Variants in GPR39 observed in about 807,000 individuals in gnomAD.
The protein encoded by GPR39 is G protein-coupled receptor 39, also known as zinc sensing receptor.
A neutral mutation model predicts 18.4 loss-of-function variants in GPR39; 23 were observed. The observed-to-expected ratio is 1.25, with a 90% CI of 0.90 to 1.77. The LOEUF is 1.77. GPR39 is among the 40% of genes most tolerant of loss of function. GPR39 has a pLI of 0.00. For synonymous variants in GPR39, 280 were observed against 257.9 expected (o/e 1.09, Z -0.82); for missense variants, 647 against 602.4 (o/e 1.07, Z -0.78).
intron 1 of GPR39, among the ~76,000 whole-genome samples, chr2:132,594,140 A>G (rs1680895713): frequency 6.6e-6 from 1 of 152,102 alleles, no homozygotes; most frequent in Non-Finnish European, 1.5e-5. Flanking sequence ...GCACTACCTT[A>G]TCACTGGGGG....
chr2:132,616,931 C>T (rs1348552926), intron 1 of GPR39, among the ~76,000 whole-genome samples: 1 of 152,222 alleles, frequency 6.6e-6, no homozygotes, highest in Non-Finnish European at 1.5e-5. Context: ...ATGCTCCTTC[C>T]TCCAGAAGTT....
At chr2:132,535,345 C>T (rs2104779955) in intron 1 of GPR39, among the ~76,000 whole-genome samples, 1 of 152,240 alleles carries the variant, frequency 6.6e-6, no homozygotes, top group African/African-American at 2.4e-5. Context: ...GTGTTTATTT[C>T]TGTTTATGTG....
chr2:132,501,718 T>C (rs1003395799), intron 1 of GPR39, among the ~76,000 whole-genome samples: 2 of 152,202 alleles, frequency 1.3e-5, no homozygotes, highest in Non-Finnish European at 2.9e-5. Context: ...ATCTCATTTC[T>C]TAGGTCCAGT....
At chr2:132,633,719 G>A (rs532533614) in intron 1 of GPR39, among the ~76,000 whole-genome samples, 1 of 152,072 alleles carries the variant, frequency 6.6e-6, no homozygotes, top group Non-Finnish European at 1.5e-5. Flanking sequence ...TGGTAGAGGT[G>A]TTAATGATGG....
At chr2:132,567,199 G>A (rs947185903) in intron 1 of GPR39, among the ~76,000 whole-genome samples, 2 of 152,178 alleles carry the variant, frequency 1.3e-5, no homozygotes, top group Non-Finnish European at 2.9e-5. Context: ...GCACATGCCT[G>A]TAATCTCAGC....
At chr2:132,464,130 G>A (rs1680880943) in intron 1 of GPR39, among the ~76,000 whole-genome samples, 1 of 152,214 alleles carries the variant, frequency 6.6e-6, no homozygotes, top group Admixed American at 6.5e-5. Flanking sequence ...AAATCACGTA[G>A]TTCTTATTTT....
intron 1 of GPR39, among the ~76,000 whole-genome samples, chr2:132,504,231 A>G (rs1186021262): frequency 2.6e-5 from 4 of 152,126 alleles, no homozygotes; most frequent in Non-Finnish European, 5.9e-5. Flanking sequence ...TCTTCCTATC[A>G]TATCTATGAT....
At chr2:132,605,628 C>G (rs958264970) in intron 1 of GPR39, among the ~76,000 whole-genome samples, 28 of 152,100 alleles carry the variant, frequency 1.8e-4, no homozygotes, top group Non-Finnish European at 3.8e-4. Flanking sequence ...CTCTGTTATG[C>G]GTGGTTTTTA....
chr2:132,557,175 T>C (rs1358715731), intron 1 of GPR39, among the ~76,000 whole-genome samples: 1 of 151,926 alleles, frequency 6.6e-6, no homozygotes, highest in Non-Finnish European at 1.5e-5. Flanking sequence ...AAAAATTAGC[T>C]GGGCATATTG....
chr2:132,638,592 G>C (rs1285058374), intron 1 of GPR39, among the ~76,000 whole-genome samples: 1 of 152,202 alleles, frequency 6.6e-6, no homozygotes, highest in Non-Finnish European at 1.5e-5. Flanking sequence ...CAAGGTTGGT[G>C]CTGATTTGGA....
At chr2:132,512,419 A>G (rs1177724864) in intron 1 of GPR39, among the ~76,000 whole-genome samples, 1 of 152,100 alleles carries the variant, frequency 6.6e-6, no homozygotes, top group African/African-American at 2.4e-5. Flanking sequence ...TGGCACCCTA[A>G]TGGCCTCCAA....
chr2:132,581,675 A>C (rs1680625797), intron 1 of GPR39, among the ~76,000 whole-genome samples: 1 of 152,176 alleles, frequency 6.6e-6, no homozygotes, highest in African/African-American at 2.4e-5. Context: ...TTTCACAGGC[A>C]AGATAGACTG....
intron 1 of GPR39, among the ~76,000 whole-genome samples, chr2:132,574,392 C>A (rs1392075056): frequency 6.6e-6 from 1 of 152,134 alleles, no homozygotes; most frequent in Non-Finnish European, 1.5e-5. Context: ...TCTTTATGCT[C>A]TTCACACATT....
chr2:132,596,048 C>T (rs1262521914), intron 1 of GPR39, among the ~76,000 whole-genome samples: 3 of 152,192 alleles, frequency 2.0e-5, no homozygotes, highest in East Asian at 3.9e-4. Flanking sequence ...CTGAGCCCCA[C>T]TGGCTCTCCA....
intron 1 of GPR39, among the ~76,000 whole-genome samples, chr2:132,467,382 G>T (rs773935996): frequency 3.3e-5 from 5 of 152,070 alleles, no homozygotes; most frequent in Non-Finnish European, 7.4e-5. Context: ...ACGTAAAGAT[G>T]GCAACAGCAG....
chr2:132,496,960 A>C (rs1221533757), intron 1 of GPR39, among the ~76,000 whole-genome samples: 1 of 152,232 alleles, frequency 6.6e-6, no homozygotes, highest in African/African-American at 2.4e-5. Flanking sequence ...TTTTTAAAAT[A>C]TCCACTTGGT....
intron 1 of GPR39, among the ~76,000 whole-genome samples, chr2:132,603,655 C>T (rs765528073): frequency 6.6e-6 from 1 of 152,072 alleles, no homozygotes; most frequent in Non-Finnish European, 1.5e-5. Context: ...ACAATTATTA[C>T]ATGTCAACTA....
At chr2:132,476,347 A>G (rs1681124868) in intron 1 of GPR39, among the ~76,000 whole-genome samples, 2 of 152,192 alleles carry the variant, frequency 1.3e-5, no homozygotes, top group African/African-American at 4.8e-5. Context: ...TGAAAGATAT[A>G]TTCCCAGGCT....
chr2:132,494,034 G>A (rs912642624), intron 1 of GPR39, among the ~76,000 whole-genome samples: 1 of 152,260 alleles, frequency 6.6e-6, no homozygotes, highest in African/African-American at 2.4e-5. Flanking sequence ...TCTCCAGAGG[G>A]AGGAGAGCAG....
Sources: allele counts gnomAD v4.1 joint callset (sites outside exome capture counted in the v4.1 genomes callset), GRCh38; gene constraint gnomAD v4.1.1; transcripts MANE v1.5; gene names NCBI Gene and HGNC (gene_info 2026-07-23, HGNC 2026-07-21).